RFTN2: variants seen among roughly 807,000 people sequenced by gnomAD.
RFTN2 encodes the protein raftlin family member 2, also known as raftlin-2.
A neutral mutation model predicts 52.7 loss-of-function variants in RFTN2; 34 were observed. That is an observed-to-expected ratio of 0.64 (90% CI 0.49 to 0.86). RFTN2 has a LOEUF of 0.86. RFTN2 is among the 40% of genes least tolerant of loss of function. RFTN2 has a pLI of 0.00. For synonymous variants in RFTN2, 203 were observed against 217.7 expected (o/e 0.93, Z 0.59); for missense variants, 536 against 600.1 (o/e 0.89, Z 1.12).
At chr2:197,628,775 G>C in intron 5 of RFTN2, among the ~76,000 whole-genome samples, 1 of 152,198 alleles carries the variant, frequency 6.6e-6, no homozygotes, top group Non-Finnish European at 1.5e-5. Flanking sequence ...CATTCTGGGA[G>C]TCACTTTACA....
intron 1 of RFTN2, among the ~76,000 whole-genome samples, chr2:197,674,420 G>T (rs2089189618): frequency 6.8e-6 from 1 of 147,590 alleles, no homozygotes; most frequent in South Asian, 2.1e-4. Flanking sequence ...TATTCAACAT[G>T]ATAATTTAGT....
chr2:197,655,683 G>T (rs983375672), intron 1 of RFTN2, among the ~76,000 whole-genome samples: 9 of 152,072 alleles, frequency 5.9e-5, no homozygotes, highest in South Asian at 2.1e-4. Context: ...AATTAGCCAG[G>T]CATGGTGGTG....
chr2:197,614,432 G>T (rs1255212180), intron 7 of RFTN2, among the ~76,000 whole-genome samples: 2 of 152,102 alleles, frequency 1.3e-5, no homozygotes, highest in Non-Finnish European at 2.9e-5. Flanking sequence ...AATAAAACCT[G>T]CACAATCACT....
Position 197,571,753 on chromosome 2 carries a change from A to G in RFTN2, c.*255T>C, listed in dbSNP as rs1160449550. The G allele has an allele frequency of 4.1e-6, 2 of 492,448 alleles. No homozygotes were observed. The highest frequency in any genetic ancestry group is 3.6e-5 in the East Asian group (1 of 28,064). 30.5% of individuals were successfully genotyped at this position (492,448 alleles called of 1,614,324 possible). A position where few individuals can be genotyped will look rare whatever the true frequency, so the allele number is the denominator to read the frequency against. On this transcript the variant is annotated 3_prime_UTR_variant, in exon 9 of 9. Coordinates refer to ENST00000295049, the MANE Select transcript of RFTN2 (RefSeq NM_144629.3). Reference sequence around the variant, plus strand: ...GAGAAGCTGAAATAGATTATTGTGTAATAACCGAATGGAACATCTGTTTAA... The same window carrying G: ...GAGAAGCTGAAATAGATTATTGTGTGATAACCGAATGGAACATCTGTTTAA...
At position 197,669,083 on chromosome 2, in the gene RFTN2, A is replaced by C. The variant is rs188069682; in HGVS notation, c.139+6237T>G. 1.3e-3 allele frequency among the ~76,000 whole-genome samples: 199 copies of C among 152,256 alleles called. 2 individuals are homozygous for C. The highest frequency in any genetic ancestry group is 1.1e-3 in the Non-Finnish European group (73 of 68,016). ...GTGTGCTCTCTTGGATGATCTACTC[A>C]ATGTGTGATTATCTACTCACTGTTT... is the stretch of plus-strand genomic sequence containing the variant. On this transcript the variant is annotated intron_variant, in intron 1 of 8. Transcript: ENST00000295049.
At position 197,631,184 on chromosome 2, in the gene RFTN2, A is replaced by T. The variant is rs573556602; in HGVS notation, c.755T>A (p.Phe252Tyr). 1 of 1,613,516 alleles carries T rather than the reference A, an allele frequency of 6.2e-7. No individual in the cohort carries two copies. The highest frequency in any genetic ancestry group is 1.1e-5 in the South Asian group (1 of 90,966). The stretch of plus-strand genomic sequence containing the variant: ...GGCCCAGGAGGTTGAATCATCATCA[A>T]AAGCATTGAAGACTGTATACAATTT... ...DNKLYTVFNA[F>Y]DDDSTSWAYQ... The change falls in exon 5 of 9, where the codon TTT becomes TAT. Residue 252 changes from phenylalanine to tyrosine, a missense_variant. Coordinates refer to ENST00000295049, the MANE Select transcript of RFTN2 (RefSeq NM_144629.3).
chr2:197,647,086 A>G (rs1031551231), intron 1 of RFTN2, among the ~76,000 whole-genome samples: 1 of 152,124 alleles, frequency 6.6e-6, no homozygotes, highest in African/African-American at 2.4e-5. Context: ...CAATTAGGTC[A>G]GTTTCATTTT....
intron 7 of RFTN2, among the ~76,000 whole-genome samples, chr2:197,613,087 A>G (rs1420588780): frequency 6.6e-6 from 1 of 152,156 alleles, no homozygotes; most frequent in Non-Finnish European, 1.5e-5. Context: ...TGTTGCTTTT[A>G]TTATCTTGTC....
intron 7 of RFTN2, among the ~76,000 whole-genome samples, chr2:197,610,640 C>T (rs2088041437): frequency 6.6e-6 from 1 of 152,146 alleles, no homozygotes; most frequent in Non-Finnish European, 1.5e-5. Flanking sequence ...CCAGAACTTC[C>T]AACACTATGT....
rs553676482 is a variant in RFTN2 at position 197,664,586 on chromosome 2, A to T, written c.139+10734T>A. Among the ~76,000 whole-genome samples, 68 of 152,146 alleles carry T rather than the reference A, an allele frequency of 4.5e-4. 2 individuals are homozygous for T. The South Asian group carries it at 0.01, about 23-fold the overall frequency. ...GGAGTTTGAGACCAGCCTGGGCAACAGAGTGAGACCCCTAGTTCTACAAAA... is the reference window on the plus strand; with the variant it reads ...GGAGTTTGAGACCAGCCTGGGCAACTGAGTGAGACCCCTAGTTCTACAAAA... On this transcript the variant is annotated intron_variant, in intron 1 of 8. Transcript: ENST00000295049.
intron 8 of RFTN2, among the ~76,000 whole-genome samples, chr2:197,591,243 T>C (rs1364173244): frequency 2.0e-5 from 3 of 151,450 alleles, no homozygotes; most frequent in African/African-American, 4.9e-5. Flanking sequence ...GAGCTAGATA[T>C]AGAGTGCCGA....
At chr2:197,669,004 T>G (rs2089103993) in intron 1 of RFTN2, among the ~76,000 whole-genome samples, 1 of 152,158 alleles carries the variant, frequency 6.6e-6, no homozygotes, top group African/African-American at 2.4e-5. Context: ...GCTGCCTCAC[T>G]TCCTTCTCCT....
At chr2:197,619,793 A>G (rs558717975) in intron 5 of RFTN2, among the ~76,000 whole-genome samples, 1 of 150,370 alleles carries the variant, frequency 6.7e-6, no homozygotes, top group Non-Finnish European at 1.5e-5. Context: ...TTAAAAAAAA[A>G]CATTTGTTTT....
chr2:197,624,758 C>G (rs2088326912), intron 5 of RFTN2, among the ~76,000 whole-genome samples: 1 of 151,984 alleles, frequency 6.6e-6, no homozygotes, highest in African/African-American at 2.4e-5. Flanking sequence ...TTCAGGAGTT[C>G]AAGACCAGCC....
intron 6 of RFTN2, among the ~76,000 whole-genome samples, chr2:197,616,323 A>T (rs2088145050): frequency 7.1e-5 from 2 of 28,344 alleles, no homozygotes; most frequent in African/African-American, 1.6e-4. Flanking sequence ...AGAGGGTCTC[A>T]TTCCTACATC....
chr2:197,654,213 C>T (rs1039506139), intron 1 of RFTN2, among the ~76,000 whole-genome samples: 4 of 152,006 alleles, frequency 2.6e-5, no homozygotes, highest in African/African-American at 9.7e-5. Context: ...TAATGAGACA[C>T]TGTCTCTACA....
chr2:197,665,634 C>G (rs547215181), intron 1 of RFTN2, among the ~76,000 whole-genome samples: 144 of 150,416 alleles, frequency 9.6e-4, no homozygotes, highest in African/African-American at 3.0e-3. Flanking sequence ...TTTTCTACCC[C>G]TTTACTTTCA....
intron 1 of RFTN2, among the ~76,000 whole-genome samples, chr2:197,668,053 A>G (rs58678651): frequency 0.021 from 3,241 of 151,998 alleles, 109 homozygotes; most frequent in African/African-American, 0.075. Context: ...CAAGCAGTGC[A>G]CCCTGGTGTT....
chr2:197,584,654 C>G (rs1035285920), intron 8 of RFTN2, among the ~76,000 whole-genome samples: 1 of 152,136 alleles, frequency 6.6e-6, no homozygotes, highest in Non-Finnish European at 1.5e-5. Context: ...GTTGCCATTG[C>G]TTTTGGTGTT....
Sources: allele counts gnomAD v4.1 joint callset (sites outside exome capture counted in the v4.1 genomes callset), GRCh38; gene constraint gnomAD v4.1.1; transcripts MANE v1.5; gene names NCBI Gene and HGNC (gene_info 2026-07-23, HGNC 2026-07-21).